The following DNAH8 variants were observed in gnomAD, a reference collection of about 807,000 sequenced individuals.
DNAH8 encodes the protein dynein axonemal heavy chain 8.
A neutral mutation model predicts 562.1 loss-of-function variants in DNAH8; 382 were observed. The observed-to-expected ratio is 0.68, with a 90% CI of 0.63 to 0.74. The LOEUF is 0.74. Among genes scored for constraint, DNAH8 ranks in the 30% least tolerant of loss-of-function variants. DNAH8 has a pLI of 0.00. For missense variants in DNAH8, 5,203 were observed against 5,620.4 expected (o/e 0.93, Z 2.37); for synonymous variants, 1,881 against 1,919.4 (o/e 0.98, Z 0.52).
intron 12 of DNAH8, 63 bp from the exon 13 acceptor site, chr6:38,775,691 T>G: frequency 9.9e-7 from 1 of 1,006,428 alleles, no homozygotes; most frequent in South Asian, 1.5e-5. Flanking sequence ...CATTAAGAGC[T>G]TATTTTAGGG....
intron 1 of DNAH8, among the ~76,000 whole-genome samples, chr6:38,717,910 T>G (rs1437238088): frequency 6.6e-6 from 1 of 152,184 alleles, no homozygotes; most frequent in Non-Finnish European, 1.5e-5. Flanking sequence ...TAAACCTTCT[T>G]AAAGTATGCA....
intron 92 of DNAH8, among the ~76,000 whole-genome samples, chr6:39,029,656 A>T (rs999264201): frequency 2.6e-5 from 4 of 152,140 alleles, no homozygotes; most frequent in Non-Finnish European, 5.9e-5. Flanking sequence ...TGGCTGTGGA[A>T]ACCTCACTTC....
chr6:38,997,327 C>T (rs960267310), intron 88 of DNAH8, among the ~76,000 whole-genome samples: 13 of 152,172 alleles, frequency 8.5e-5, no homozygotes, highest in Non-Finnish European at 1.8e-4. Flanking sequence ...AAGCAGTAAG[C>T]AATAACAGAT....
chr6:38,876,984 G>C (rs1244487099), intron 53 of DNAH8, among the ~76,000 whole-genome samples: 1 of 152,182 alleles, frequency 6.6e-6, no homozygotes, highest in Non-Finnish European at 1.5e-5. Context: ...CTAAAGGTTT[G>C]AGATGGCAAA....
Position 38,783,158 on chromosome 6 carries a change from T to C in DNAH8, c.2395+19T>C, listed in dbSNP as rs1768812325. 1 of 1,610,550 alleles carries C rather than the reference T, an allele frequency of 6.2e-7. No homozygotes were observed. The highest frequency in any genetic ancestry group is 8.5e-7 in the Non-Finnish European group (1 of 1,178,922). On this transcript the variant is annotated intron_variant, in intron 17 of 92. Coordinates refer to ENST00000327475, the MANE Select transcript of DNAH8 (RefSeq NM_001206927.2). ...CATTACGGTGTGTATAACACTGCCA[T>C]GAGCCTACAAAGTAGGGATTAGGTG... is the stretch of plus-strand genomic sequence containing the variant.
chr6:38,936,020 A>C (rs1443838495), intron 77 of DNAH8, among the ~76,000 whole-genome samples: 1 of 149,294 alleles, frequency 6.7e-6, no homozygotes, highest in African/African-American at 2.5e-5. Context: ...AATGTGCTCA[A>C]TCTATTTTTT....
chr6:38,996,905 T>C (rs1220081137), intron 88 of DNAH8, among the ~76,000 whole-genome samples: 1 of 152,032 alleles, frequency 6.6e-6, no homozygotes, highest in Non-Finnish European at 1.5e-5. Context: ...CCCAAAATAG[T>C]GTCAGGATCT....
chr6:38,999,511 GATAAA>G (rs1216704647), intron 88 of DNAH8, among the ~76,000 whole-genome samples: 1 of 151,480 alleles, frequency 6.6e-6, no homozygotes, highest in Non-Finnish European at 1.5e-5. Context: ...GATCTGCATT[GATAAA>G]ATAATAAGAA....
intron 85 of DNAH8, among the ~76,000 whole-genome samples, chr6:38,979,140 G>A (rs1363207153): frequency 2.6e-5 from 4 of 152,212 alleles, no homozygotes; most frequent in Non-Finnish European, 5.9e-5. Context: ...GCCAAGCCTG[G>A]AAGTCTCTTC....
At chr6:38,794,637 C>A (rs955285691) in intron 21 of DNAH8, among the ~76,000 whole-genome samples, 1 of 152,162 alleles carries the variant, frequency 6.6e-6, no homozygotes, top group South Asian at 2.1e-4. Flanking sequence ...TTTTGAACTT[C>A]ATGTAAATGG....
intron 87 of DNAH8, among the ~76,000 whole-genome samples, chr6:38,987,301 T>G (rs908000272): frequency 6.6e-6 from 1 of 152,162 alleles, no homozygotes; most frequent in African/African-American, 2.4e-5. Context: ...CTCTCCTGCC[T>G]TTCTTCCTCT....
At chr6:39,003,640 A>G (rs140333896) in intron 88 of DNAH8, among the ~76,000 whole-genome samples, 12 of 152,182 alleles carry the variant, frequency 7.9e-5, no homozygotes, top group African/African-American at 2.9e-4. Context: ...ATGCCATGTT[A>G]TTTTATTCTA....
Position 38,868,152 on chromosome 6 carries a change from A to C in DNAH8, c.6784A>C (p.Ser2262Arg). 1 of 1,613,950 alleles carries C rather than the reference A, an allele frequency of 6.2e-7. No homozygotes were observed. The highest frequency in any genetic ancestry group is 1.1e-5 in the South Asian group (1 of 91,058). The change falls in exon 48 of 93, where the codon AGC becomes CGC. Residue 2262 changes from serine (S) to arginine (R), a missense_variant. Around this residue, in one of 6 missense-constraint regions of DNAH8, gnomAD observed 2,176 missense variants for 2,365.1 expected, o/e 0.92. Coordinates refer to ENST00000327475, the MANE Select transcript of DNAH8 (RefSeq NM_001206927.2). ...AGCCAGACCAGAAGATAGTGAATTAAGCATTGTCATGAGAGGACTAAGAGA... is the reference window on the plus strand; with the variant it reads ...AGCCAGACCAGAAGATAGTGAATTACGCATTGTCATGAGAGGACTAAGAGA... ...KRARPEDSEL[S>R]IVMRGLRDMN... is the part of the protein sequence containing the mutation.
At chr6:38,832,759 T>G (rs981036435) in intron 31 of DNAH8, among the ~76,000 whole-genome samples, 1 of 152,200 alleles carries the variant, frequency 6.6e-6, no homozygotes, top group Non-Finnish European at 1.5e-5. Context: ...TTGGGCTGCA[T>G]TCAAAGCTGT....
At chr6:38,815,366 C>G in intron 25 of DNAH8, 102 bp from the exon 26 acceptor site, 1 of 866,398 alleles carries the variant, frequency 1.2e-6, no homozygotes, top group Non-Finnish European at 1.8e-6. Context: ...TGCACTGGGC[C>G]AGCCGAGGCT....
At chr6:38,870,263 C>A in intron 48 of DNAH8, 138 bp from the exon 49 acceptor site, 1 of 722,346 alleles carries the variant, frequency 1.4e-6, no homozygotes, top group Non-Finnish European at 2.2e-6. Context: ...GGAGAAAGTA[C>A]TAGAGAATAC....
At chr6:38,908,300 A>C (rs1411082490) in intron 64 of DNAH8, among the ~76,000 whole-genome samples, 180 bp downstream of exon 64, 1 of 152,176 alleles carries the variant, frequency 6.6e-6, no homozygotes, top group Admixed American at 6.5e-5. Context: ...TGTAATTTAA[A>C]ATATTCATAT....
At chr6:38,987,205 G>C (rs183440289) in intron 87 of DNAH8, among the ~76,000 whole-genome samples, 1 of 152,198 alleles carries the variant, frequency 6.6e-6, no homozygotes, top group Non-Finnish European at 1.5e-5. Context: ...TGAGCCGGGA[G>C]CACACGGAGG....
At chr6:39,024,465 G>T (rs1767139254) in intron 91 of DNAH8, among the ~76,000 whole-genome samples, 1 of 152,090 alleles carries the variant, frequency 6.6e-6, no homozygotes, top group Non-Finnish European at 1.5e-5. Context: ...TATTATTTTT[G>T]TCATATATAC....
Sources: gnomAD v4.1 joint callset for allele counts (sites outside exome capture counted in the v4.1 genomes callset) on GRCh38, gnomAD v4.1.1 for gene constraint, gnomAD v4.1.1 regional missense constraint, MANE v1.5 for transcripts, NCBI Gene and HGNC (gene_info 2026-07-23, HGNC 2026-07-21) for gene names.